Variants in DHX35 observed in about 807,000 individuals in gnomAD.
DHX35 encodes the protein probable ATP-dependent RNA helicase DHX35.
DHX35 carries 84 observed loss-of-function variants against 99.6 expected under a neutral mutation model. The ratio of observed to expected loss-of-function variants is 0.84; its 90% CI spans 0.71 to 1.01. DHX35 has a LOEUF of 1.01. DHX35 is among the 50% of genes least tolerant of loss of function. The pLI, the probability that DHX35 is intolerant of heterozygous loss-of-function variation, is 0.00. For missense variants in DHX35, 852 were observed against 888.5 expected, an observed-to-expected ratio of 0.96 and a Z score of 0.52; for synonymous variants, 331 against 316.2, an observed-to-expected ratio of 1.05 and a Z score of -0.50.
Position 39,000,570 on chromosome 20 carries a change from G to A in DHX35, c.643-1160G>A, listed in dbSNP as rs149913141. On this transcript the variant is annotated intron_variant, in intron 8 of 21. Coordinates refer to ENST00000252011, the MANE Select transcript of DHX35 (RefSeq NM_021931.4). ...CTGTGCTTATTCTTCTCAATTTTGA[G>A]GTTAATATATAACATCCCTGTATTT... 5.3e-5 allele frequency among the ~76,000 whole-genome samples: 8 copies of A among 152,216 alleles called. No homozygotes were observed. In the East Asian group the frequency reaches 1.5e-3, roughly 29 times the overall value.
chr20:38,983,418 G>T (rs903649757), intron 3 of DHX35, among the ~76,000 whole-genome samples: 1 of 152,148 alleles, frequency 6.6e-6, no homozygotes, highest in Non-Finnish European at 1.5e-5. Context: ...GTTCCCTGAG[G>T]CATCTGTAGT....
At chr20:39,032,000 C>G (rs1025969413) in intron 20 of DHX35, among the ~76,000 whole-genome samples, 2 of 152,120 alleles carry the variant, frequency 1.3e-5, no homozygotes, top group African/African-American at 4.8e-5. Context: ...CTTTAGACAT[C>G]TTTATAACAT....
chr20:38,978,136 G>A (rs1601374563), intron 3 of DHX35: 1 of 788,050 alleles, frequency 1.3e-6, no homozygotes, highest in African/African-American at 1.7e-5. Context: ...GACCACCGGT[G>A]GTATTATTTC....
In DHX35 at chr20:39,001,819, G is replaced by T; in HGVS notation, c.732G>T (p.Pro244=). 6.2e-7 allele frequency: 1 copy of T among 1,612,722 alleles called. No homozygotes were observed. The highest frequency in any genetic ancestry group is 8.5e-7 in the Non-Finnish European group (1 of 1,179,052). The part of the protein sequence containing the change: ...VILTVEGRTF[P]VDIFYLQSPV... ...TTACAGTGGAAGGGAGAACATTTCC[G>T]GTGGATATCTTTTATCTACAAAGGT... The change falls in exon 9 of 22, where the codon CCG becomes CCT. Residue 244 remains proline, a synonymous_variant. Coordinates refer to ENST00000252011, the MANE Select transcript of DHX35 (RefSeq NM_021931.4).
chr20:39,012,791 A>G (rs1443441501), intron 13 of DHX35, among the ~76,000 whole-genome samples: 4 of 152,234 alleles, frequency 2.6e-5, no homozygotes, highest in Non-Finnish European at 5.9e-5. Flanking sequence ...TTGGCCTCCC[A>G]AAGTGCTGGG....
At chr20:39,008,570 G>A (rs2145908607) in intron 12 of DHX35, among the ~76,000 whole-genome samples, 1 of 152,324 alleles carries the variant, frequency 6.6e-6, no homozygotes, top group East Asian at 1.9e-4. Context: ...GAGGGCCCCT[G>A]ACTGTAATGA....
In DHX35 at chr20:39,014,927, T is replaced by C. The variant is rs1161373706; in HGVS notation, c.1395T>C (p.Ala465=). The C allele has an allele frequency of 6.2e-7, 1 of 1,614,190 alleles. No homozygotes were observed. The highest frequency in any genetic ancestry group is 1.7e-5 in the Admixed American group (1 of 60,028). Reference sequence around the variant, plus strand: ...TTCAAGCCTTGGAGTTACTGTATGCTCTGGGAGGTATGCCAGTTTCTCTCA... The same window carrying C: ...TTCAAGCCTTGGAGTTACTGTATGCCCTGGGAGGTATGCCAGTTTCTCTCA... The part of the protein sequence containing the change: ...SMVQALELLY[A]LGGLDKDCRL... The change falls in exon 14 of 22, where the codon GCT becomes GCC. Residue 465 remains alanine (A), a synonymous_variant. Transcript: ENST00000252011.
chr20:38,979,597 C>T (rs2086139445), intron 3 of DHX35, among the ~76,000 whole-genome samples: 1 of 152,152 alleles, frequency 6.6e-6, no homozygotes, highest in South Asian at 2.1e-4. Flanking sequence ...CCACTCAGTT[C>T]CCCGTACCTG....
At chr20:39,005,279 A>T (rs565946227) in intron 11 of DHX35, among the ~76,000 whole-genome samples, 19 of 152,344 alleles carry the variant, frequency 1.2e-4, no homozygotes, top group Non-Finnish European at 2.6e-4. Flanking sequence ...CAAATACCTC[A>T]TGGTGGCCCA....
intron 9 of DHX35, 45 bp from the exon 10 acceptor site, chr20:39,002,727 A>G: frequency 6.5e-7 from 1 of 1,546,740 alleles, no homozygotes; most frequent in Non-Finnish European, 8.9e-7. Context: ...ATCTGTAATT[A>G]ATGAGCATAT....
chr20:38,993,338 G>A (rs1329266277), intron 7 of DHX35, among the ~76,000 whole-genome samples: 1 of 152,152 alleles, frequency 6.6e-6, no homozygotes, highest in East Asian at 1.9e-4. Context: ...CAGTCACGTT[G>A]GCTATTTTTC....
chr20:38,965,772 C>T lies in DHX35; in HGVS notation c.41-3309C>T, dbSNP rs139206680. Among the ~76,000 whole-genome samples, 1,206 of 152,212 alleles carry T rather than the reference C, an allele frequency of 7.9e-3. 18 individuals carry two copies. The highest frequency in any genetic ancestry group is 0.026 in the African/African-American group (1,068 of 41,504). On this transcript the variant is annotated intron_variant, in intron 1 of 21. Transcript: ENST00000252011. Reference sequence around the variant, plus strand: ...CTACCTTAGGAGTGTGACTTAAGGGCCTTGTATGACCTGCCTGAGAGTTTT... The same window carrying T: ...CTACCTTAGGAGTGTGACTTAAGGGTCTTGTATGACCTGCCTGAGAGTTTT...
chr20:38,993,110 A>G (rs551988310), intron 7 of DHX35, among the ~76,000 whole-genome samples: 1 of 151,480 alleles, frequency 6.6e-6, no homozygotes, highest in East Asian at 1.9e-4. Flanking sequence ...AGAGTCTAGA[A>G]AGAAGTGGTA....
chr20:38,990,126 A>G (rs997627402), intron 5 of DHX35, among the ~76,000 whole-genome samples: 13 of 152,244 alleles, frequency 8.5e-5, no homozygotes, highest in Admixed American at 8.5e-4. Flanking sequence ...AGTGGTTTGC[A>G]TAACCATGAA....
intron 5 of DHX35, among the ~76,000 whole-genome samples, chr20:38,990,589 A>G (rs572417701): frequency 2.6e-5 from 4 of 152,248 alleles, no homozygotes; most frequent in African/African-American, 9.6e-5. Context: ...AAAATAAAAA[A>G]TAATGTAAAT....
rs2085952501 is a variant in DHX35, at chr20:38,969,021, T to A, written c.41-60T>A. On this transcript the variant is annotated intron_variant, in intron 1 of 21. Coordinates refer to ENST00000252011, the MANE Select transcript of DHX35 (RefSeq NM_021931.4). The stretch of plus-strand genomic sequence containing the variant: ...TCTTCATCTTTGAAAGTTTATAAAC[T>A]TAACACCTTTTTCTGTTCATTGTAT... The A allele has an allele frequency of 3.3e-6, 5 of 1,511,118 alleles. No individual in the cohort carries two copies. The East Asian group carries it at 1.1e-4, about 34-fold the overall frequency. 93.6% of individuals were successfully genotyped at this position (1,511,118 alleles called of 1,614,324 possible).
intron 1 of DHX35, among the ~76,000 whole-genome samples, chr20:38,963,341 C>T (rs953241534): frequency 2.0e-5 from 3 of 152,114 alleles, no homozygotes; most frequent in South Asian, 2.1e-4. Context: ...TGAAATGACA[C>T]CAAGAATGTA....
intron 12 of DHX35, 149 bp from the exon 13 acceptor site, chr20:39,010,131 A>C: frequency 1.0e-6 from 1 of 987,556 alleles, no homozygotes; most frequent in Non-Finnish European, 1.5e-6. Flanking sequence ...TAAGTATAAA[A>C]ATAACTTTAT....
rs139924446 is a variant in DHX35, at chr20:39,023,775, C to A, written c.1671+8C>A. The A allele has an allele frequency of 2.5e-6, 4 of 1,612,720 alleles. No individual in the cohort carries two copies. Among genetic ancestry groups the A allele is most frequent in the Non-Finnish European group, 3.4e-6 (4 of 1,178,850 alleles). On this transcript the variant is annotated splice_region_variant and intron_variant, in intron 17 of 21. Transcript: ENST00000252011. ...TATGAAGCATTTATCAAAGTAAGCA[C>A]AACTACTGCTCGAAGTGCCGCCTCA...
Sources: gnomAD v4.1 joint callset for allele counts (sites outside exome capture counted in the v4.1 genomes callset) on GRCh38, gnomAD v4.1.1 for gene constraint, MANE v1.5 for transcripts, NCBI Gene and HGNC (gene_info 2026-07-23, HGNC 2026-07-21) for gene names.